Variants in HCN4 observed in about 807,000 individuals in gnomAD.
HCN4 encodes potassium/sodium hyperpolarization-activated cyclic nucleotide-gated channel 4.
Under a neutral mutation model 76.9 loss-of-function variants are expected in HCN4, and 29 were observed. That is an observed-to-expected ratio of 0.38 (90% confidence interval 0.28 to 0.51). HCN4 has a LOEUF of 0.51. Ranked by LOEUF, HCN4 falls within the 20% of genes least tolerant of loss-of-function variation. The pLI is 0.90. For synonymous variants in HCN4, 772 were observed against 762.5 expected, an observed-to-expected ratio of 1.01 and a Z score of -0.21; for missense variants, 1,416 against 1,715.2, an observed-to-expected ratio of 0.83 and a Z score of 3.08.
intron 1 of HCN4, among the ~76,000 whole-genome samples, chr15:73,345,598 C>T (rs968674352): frequency 1.2e-4 from 19 of 152,264 alleles, no homozygotes; most frequent in African/African-American, 4.3e-4. Context: ...GCCCTAGAGC[C>T]GTGCATGCTC....
Position 73,323,323 on chromosome 15 carries a change from G to A in HCN4, c.2770C>T (p.Pro924Ser), listed in dbSNP as rs1354582644. 6.4e-7 allele frequency: 1 copy of A among 1,560,170 alleles called. No homozygotes were observed. The highest frequency in any genetic ancestry group is 8.7e-7 in the Non-Finnish European group (1 of 1,151,680). The change falls in exon 8 of 8, where the codon CCC becomes TCC. Residue 924 changes from proline to serine, a missense_variant. Transcript: ENST00000261917. ...LGGSLSSSDS[P>S]LLTPLQPGAR... ...CCTGGCTGCAGCGGGGTGAGCAGGG[G>A]AGAGTCGGAGGAGGACAGGGAGCCA...
Position 73,323,303 on chromosome 15 carries a change from C to A in HCN4, c.2790G>T (p.Gln930His). The change falls in exon 8 of 8, where the codon CAG (glutamine) becomes CAT (histidine). Residue 930 changes from glutamine (Q) to histidine (H), a missense_variant. By Grantham distance (24) the Gln-to-His change is conservative (BLOSUM62 0). Coordinates refer to ENST00000261917, the MANE Select transcript of HCN4 (RefSeq NM_005477.3). Reference sequence around the variant, plus strand: ...CAGCCTGCGGGGAGCGGGCGCCTGGCTGCAGCGGGGTGAGCAGGGGAGAGT... The same window carrying A: ...CAGCCTGCGGGGAGCGGGCGCCTGGATGCAGCGGGGTGAGCAGGGGAGAGT... ...SSDSPLLTPL[Q>H]PGARSPQAAQ... The A allele has an allele frequency of 6.5e-7, 1 of 1,545,624 alleles. No individual in the cohort carries two copies. Among genetic ancestry groups the A allele is most frequent in the Non-Finnish European group, 8.7e-7 (1 of 1,143,450 alleles).
At position 73,325,481 on chromosome 15, in the gene HCN4, C is replaced by G. The variant is rs751254509; in HGVS notation, c.1591-37G>C. 6.2e-7 allele frequency: 1 copy of G among 1,612,072 alleles called. No individual in the cohort carries two copies. Among genetic ancestry groups the G allele is most frequent in the South Asian group, 1.1e-5 (1 of 91,040 alleles). On this transcript the variant is annotated intron_variant, in intron 4 of 7. Coordinates refer to ENST00000261917, the MANE Select transcript of HCN4 (RefSeq NM_005477.3). This position sits in a 1 kb window ranked among gnomAD's most constrained non-coding sequence, Gnocchi z 7.4. ...AGAAGGGGGCGTCAGCTCCACCCCACCAGGGGGCGTCAGCAGCCAGCCCCA... is the reference window on the plus strand; with the variant it reads ...AGAAGGGGGCGTCAGCTCCACCCCAGCAGGGGGCGTCAGCAGCCAGCCCCA...
At position 73,326,769 on chromosome 15, in the gene HCN4, TTTTA is replaced by T. The variant is rs745348390; in HGVS notation, c.1591-1329_1591-1326del. 5.8e-4 allele frequency among the ~76,000 whole-genome samples: 87 copies of T among 151,152 alleles called. 1 individual carries two copies. Among genetic ancestry groups the T allele is most frequent in the African/African-American group, 1.2e-3 (48 of 41,212 alleles). ...GATGCATTTTCTTTTCTTTTTTTCTTTTTATTTATTTATTTATTTATTTATTTTT... is the reference window on the plus strand; with the variant it reads ...GATGCATTTTCTTTTCTTTTTTTCTTTTTATTTATTTATTTATTTATTTTT... On this transcript the variant is annotated intron_variant, in intron 4 of 7. Transcript: ENST00000261917.
In HCN4 at chr15:73,329,606, G is replaced by A. The variant is rs1555475972; in HGVS notation, c.1557C>T (p.Ser519=). Residue 519 remains serine, a synonymous_variant, in exon 4 of 8, where the codon TCC becomes TCT. Coordinates refer to ENST00000261917, the MANE Select transcript of HCN4 (RefSeq NM_005477.3). The part of the protein sequence containing the change: ...FIGHATALIQ[S]LDSSRRQYQE... ...GGTACTGGCGCCGGGAGGAGTCCAGGGACTGGATGAGGGCAGTGGCGTGGC... is the reference window on the plus strand; with the variant it reads ...GGTACTGGCGCCGGGAGGAGTCCAGAGACTGGATGAGGGCAGTGGCGTGGC... 3 of 1,614,148 alleles carry A rather than the reference G, an allele frequency of 1.9e-6. No homozygotes were observed. The East Asian group carries it at 6.7e-5, about 36-fold the overall frequency.
intron 1 of HCN4, among the ~76,000 whole-genome samples, chr15:73,364,862 G>A (rs144417102): frequency 6.6e-6 from 1 of 152,330 alleles, no homozygotes; most frequent in East Asian, 1.9e-4. Context: ...CCAGCAATGG[G>A]AGATGCTGGA....
chr15:73,361,071 G>A (rs1447808546), intron 1 of HCN4, among the ~76,000 whole-genome samples: 1 of 152,212 alleles, frequency 6.6e-6, no homozygotes, highest in Non-Finnish European at 1.5e-5. Context: ...TTTTCATGTT[G>A]TATCTTTCCA....
chr15:73,366,140 C>A (rs2043127159), intron 1 of HCN4, among the ~76,000 whole-genome samples: 1 of 152,072 alleles, frequency 6.6e-6, no homozygotes, highest in African/African-American at 2.4e-5. Flanking sequence ...GAATGGGAAC[C>A]CTGGAGATAT....
intron 3 of HCN4, among the ~76,000 whole-genome samples, chr15:73,331,003 T>G (rs1039822486): frequency 1.3e-5 from 2 of 152,216 alleles, no homozygotes; most frequent in African/African-American, 4.8e-5. Context: ...TGCTGAAAGA[T>G]GCCTCAGGGT....
At chr15:73,331,766 T>C (rs2042934153) in intron 3 of HCN4, among the ~76,000 whole-genome samples, 1 of 152,158 alleles carries the variant, frequency 6.6e-6, no homozygotes, top group Admixed American at 6.5e-5. Flanking sequence ...TTTTAAGGAC[T>C]TGGCTTCTAA....
In HCN4 at chr15:73,323,789, G is replaced by A; in HGVS notation, c.2304C>T (p.Thr768=). ...RVQAAASATP[T]PTPVIWTPLI... is the part of the protein sequence containing the mutation. ...GCGGGGTCCAGATGACGGGCGTGGG[G>A]GTTGGGGTGGCAGAGGCAGCAGCCT... The change falls in exon 8 of 8, where the codon ACC becomes ACT. Residue 768 remains threonine, a synonymous_variant. Coordinates refer to ENST00000261917, the MANE Select transcript of HCN4 (RefSeq NM_005477.3). 6.2e-7 allele frequency: 1 copy of A among 1,607,968 alleles called. No individual in the cohort carries two copies. The highest frequency in any genetic ancestry group is 8.5e-7 in the Non-Finnish European group (1 of 1,179,504).
chr15:73,347,047 G>GTGATGCCTTA (rs1360659434), intron 1 of HCN4, among the ~76,000 whole-genome samples: 1 of 152,240 alleles, frequency 6.6e-6, no homozygotes, highest in Non-Finnish European at 1.5e-5. Flanking sequence ...AGCATCTCAA[G>GTGATGCCTTA]TGATGCCTTA....
intron 2 of HCN4, among the ~76,000 whole-genome samples, chr15:73,337,561 G>A (rs1304367038): frequency 5.3e-5 from 8 of 152,156 alleles, no homozygotes; most frequent in East Asian, 1.9e-4. Flanking sequence ...CTTCTGTATC[G>A]CCTTTATCTT....
In HCN4 at chr15:73,367,797, C is replaced by A; in HGVS notation, c.474G>T (p.Ser158=). 1 of 1,288,700 alleles carries A rather than the reference C, an allele frequency of 7.8e-7. No homozygotes were observed. Among genetic ancestry groups the A allele is most frequent in the Non-Finnish European group, 9.7e-7 (1 of 1,026,940 alleles). 79.8% of individuals were successfully genotyped at this position (1,288,700 alleles called of 1,614,324 possible). The change falls in exon 1 of 8, where the codon TCG becomes TCT. Residue 158 remains serine (S), a synonymous_variant. Coordinates refer to ENST00000261917, the MANE Select transcript of HCN4 (RefSeq NM_005477.3). The surrounding 1 kb of genome is among the most constrained non-coding windows in gnomAD (Gnocchi z 7.5). ...GCGGCGGCGAGGCTGCGGGCTGCGCCGAGGCGCCGGGGCGCTCGGGCTCGG... is the reference window on the plus strand; with the variant it reads ...GCGGCGGCGAGGCTGCGGGCTGCGCAGAGGCGCCGGGGCGCTCGGGCTCGG... ...LAAEPERPGA[S]AQPAASPPPP...
chr15:73,349,536 A>G (rs1365879381), intron 1 of HCN4, among the ~76,000 whole-genome samples: 1 of 151,914 alleles, frequency 6.6e-6, no homozygotes, highest in South Asian at 2.1e-4. Flanking sequence ...GTGGTATTTT[A>G]TTACTCCCAA....
At chr15:73,364,433 A>C (rs754319020) in intron 1 of HCN4, among the ~76,000 whole-genome samples, 1 of 152,110 alleles carries the variant, frequency 6.6e-6, no homozygotes, top group African/African-American at 2.4e-5. Context: ...ATTAGCCAGT[A>C]CCTATGTTTT....
In HCN4 at chr15:73,325,544, G is replaced by T. The variant is rs528888982; in HGVS notation, c.1591-100C>A. 1.4e-3 allele frequency: 1,785 copies of T among 1,236,522 alleles called. 18 individuals are homozygous for T. In the South Asian group the frequency reaches 0.015, roughly 10 times the overall value. 76.6% of individuals were successfully genotyped at this position (1,236,522 alleles called of 1,614,324 possible). On this transcript the variant is annotated intron_variant, in intron 4 of 7. Transcript: ENST00000261917. The surrounding 1 kb of genome is among the most constrained non-coding windows in gnomAD (Gnocchi z 7.4). ...GCACCACATCCGGGCACCCACCCCG[G>T]GGGATTTCCTGGCTAAACTTGGTTC... is the stretch of plus-strand genomic sequence containing the variant.
At position 73,322,225 on chromosome 15, in the gene HCN4, T is replaced by A; in HGVS notation, c.*256A>T. 2.2e-6 allele frequency: 1 copy of A among 450,864 alleles called. No homozygotes were observed. Among genetic ancestry groups the A allele is most frequent in the Non-Finnish European group, 4.1e-6 (1 of 244,824 alleles). The allele number at this position is 450,864 out of a possible 1,614,324, so 27.9% of individuals were successfully genotyped here. A position where few individuals can be genotyped will look rare whatever the true frequency, so the allele number is the denominator to read the frequency against. On this transcript the variant is annotated 3_prime_UTR_variant, in exon 8 of 8. Coordinates refer to ENST00000261917, the MANE Select transcript of HCN4 (RefSeq NM_005477.3). ...TCTGCCTTTCTCTGGCTTTTGCATTTGGGACCTGCCTGCTCCCTCCTCCCT... is the reference window on the plus strand; with the variant it reads ...TCTGCCTTTCTCTGGCTTTTGCATTAGGGACCTGCCTGCTCCCTCCTCCCT...
chr15:73,337,243 T>C (rs970449572), intron 2 of HCN4, among the ~76,000 whole-genome samples: 4 of 152,256 alleles, frequency 2.6e-5, no homozygotes, highest in African/African-American at 9.6e-5. Flanking sequence ...GTTCTCACTA[T>C]CTGAAATGAC....
Sources: allele counts gnomAD v4.1 joint callset (sites outside exome capture counted in the v4.1 genomes callset), GRCh38; gene constraint gnomAD v4.1.1; non-coding constraint Gnocchi (gnomAD v3.1); transcripts MANE v1.5; gene names NCBI Gene and HGNC (gene_info 2026-07-23, HGNC 2026-07-21).